The following ZZZ3 variants were observed in gnomAD, a reference collection of about 807,000 sequenced individuals.
The protein encoded by ZZZ3 is zinc finger ZZ-type containing 3.
A neutral mutation model predicts 95.2 loss-of-function variants in ZZZ3; 22 were observed. The ratio of observed to expected loss-of-function variants is 0.23; its 90% confidence interval spans 0.17 to 0.33. ZZZ3 has a LOEUF of 0.33. ZZZ3 is among the 10% of genes least tolerant of loss of function. ZZZ3 has a pLI of 1.00. For synonymous variants in ZZZ3, 335 were observed against 358.9 expected, an observed-to-expected ratio of 0.93 and a Z score of 0.75; for missense variants, 885 against 1,066.5, an observed-to-expected ratio of 0.83 and a Z score of 2.37.
chr1:77,623,559 A>G (rs1286240868), intron 5 of ZZZ3, among the ~76,000 whole-genome samples: 1 of 152,184 alleles, frequency 6.6e-6, no homozygotes, highest in Non-Finnish European at 1.5e-5. Context: ...AGAACAGGCT[A>G]CTCTGTACTT....
chr1:77,614,537 ATTAT>A (rs1666122752), intron 5 of ZZZ3, among the ~76,000 whole-genome samples: 1 of 152,182 alleles, frequency 6.6e-6, no homozygotes, highest in African/African-American at 2.4e-5. Flanking sequence ...TTTGTTTTTC[ATTAT>A]TTAAATATTT....
chr1:77,663,588 T>C (rs894951457), intron 1 of ZZZ3, among the ~76,000 whole-genome samples: 2 of 152,204 alleles, frequency 1.3e-5, no homozygotes, highest in Non-Finnish European at 2.9e-5. Context: ...ATTGTAAATG[T>C]GTCCTAACCA....
In ZZZ3 at chr1:77,602,393, A is replaced by C. The variant is rs549204936; in HGVS notation, c.1506-17738T>G. Among the ~76,000 whole-genome samples, 13 of 152,312 alleles carry C rather than the reference A, an allele frequency of 8.5e-5. No individual in the cohort carries two copies. The South Asian group carries it at 1.0e-3, about 12-fold the overall frequency. On this transcript the variant is annotated intron_variant, in intron 5 of 14. Transcript: ENST00000370801. Reference sequence around the variant, plus strand: ...CTATTCAGAGTAAACCAACAGCAGTACAGAGTGCATATTTGTTTGATTGAT... The same window carrying C: ...CTATTCAGAGTAAACCAACAGCAGTCCAGAGTGCATATTTGTTTGATTGAT...
intron 5 of ZZZ3, among the ~76,000 whole-genome samples, chr1:77,599,438 A>G (rs184913509): frequency 6.6e-6 from 1 of 152,192 alleles, no homozygotes; most frequent in African/African-American, 2.4e-5. Context: ...ACCACTTTAC[A>G]GATGACATAA....
chr1:77,657,190 C>A (rs1670346354), intron 1 of ZZZ3, among the ~76,000 whole-genome samples: 1 of 152,142 alleles, frequency 6.6e-6, no homozygotes, highest in Non-Finnish European at 1.5e-5. Context: ...CTGTGTTGGC[C>A]AGACTGGTTT....
At position 77,639,555 on chromosome 1, in the gene ZZZ3, ACT is replaced by A. The variant is rs1668585465; in HGVS notation, c.-160_-159del. The A allele has an allele frequency of 2.7e-6, 3 of 1,091,252 alleles. No homozygotes were observed. The highest frequency in any genetic ancestry group is 2.2e-5 in the South Asian group (1 of 46,490). The allele number at this position is 1,091,252 out of a possible 1,614,324, so 67.6% of individuals were successfully genotyped here. On this transcript the variant is annotated 5_prime_UTR_variant, in exon 4 of 15. The change abolishes the stop of an existing upstream ORF in the 5' untranslated region. Transcript: ENST00000370801. ...TGGAGCTTAAGCATCAGGGTTTCAG[ACT>A]CTCTCAGCTTCAGCCATGAAGAATA...
chr1:77,592,856 C>T lies in ZZZ3; in HGVS notation c.1506-8201G>A, dbSNP rs374598446. Among the ~76,000 whole-genome samples the T allele has an allele frequency of 1.4e-3, 208 of 152,206 alleles. 1 individual carries two copies. The highest frequency in any genetic ancestry group is 1.5e-3 in the Non-Finnish European group (104 of 68,012). Reference sequence around the variant, plus strand: ...TTCCCTGAAGACAACCAATATACAGCTGGAGAAAATATTTGAAAGTTCTTA... The same window carrying T: ...TTCCCTGAAGACAACCAATATACAGTTGGAGAAAATATTTGAAAGTTCTTA... On this transcript the variant is annotated intron_variant, in intron 5 of 14. Coordinates refer to ENST00000370801, the MANE Select transcript of ZZZ3 (RefSeq NM_015534.6).
rs772354211 is a variant in ZZZ3 at position 77,652,017 on chromosome 1, C to CAA, written c.-402-10364_-402-10363dup. Among the ~76,000 whole-genome samples the CAA allele has an allele frequency of 1.9e-4, 14 of 74,322 alleles. No homozygotes were observed. In the South Asian group the frequency reaches 4.8e-3, roughly 26 times the overall value. 48.8% of individuals were successfully genotyped at this position (74,322 alleles called of 152,430 possible). On this transcript the variant is annotated intron_variant, in intron 1 of 14. Transcript: ENST00000370801. ...GGCGACAAGAGCAAAACTCCATCTC[C>CAA]AAAAAAAAAAAAAAAAGGTTAAAAT...
intron 9 of ZZZ3, chr1:77,580,255 C>T (rs2100548292): frequency 6.6e-6 from 1 of 152,262 alleles, no homozygotes; most frequent in East Asian, 1.9e-4. Flanking sequence ...AAAGATGTGC[C>T]TCAAACTTCA....
chr1:77,589,600 G>C (rs1039684237), intron 5 of ZZZ3, among the ~76,000 whole-genome samples: 5 of 151,776 alleles, frequency 3.3e-5, no homozygotes, highest in African/African-American at 1.2e-4. Flanking sequence ...CATTCCCAGC[G>C]AATTTTGTTC....
chr1:77,624,546 G>A (rs1253958375), intron 5 of ZZZ3, among the ~76,000 whole-genome samples: 2 of 152,044 alleles, frequency 1.3e-5, no homozygotes. Context: ...AGCTATGAGG[G>A]TTGCTGACCC....
intron 5 of ZZZ3, among the ~76,000 whole-genome samples, chr1:77,593,892 G>A (rs1463739630): frequency 6.6e-6 from 1 of 152,014 alleles, no homozygotes; most frequent in Non-Finnish European, 1.5e-5. Context: ...TTAAACCTTG[G>A]GTCTTGCTTC....
chr1:77,592,732 CAAATA>C (rs1373416927), intron 5 of ZZZ3, among the ~76,000 whole-genome samples: 1 of 152,094 alleles, frequency 6.6e-6, no homozygotes, highest in East Asian at 1.9e-4. Context: ...TAAAAGGAAG[CAAATA>C]AAATATTTAA....
chr1:77,646,797 G>A (rs542189852), intron 1 of ZZZ3, among the ~76,000 whole-genome samples: 299 of 152,324 alleles, frequency 2.0e-3, no homozygotes, highest in Non-Finnish European at 3.2e-3. Context: ...TTTACTTACT[G>A]GAGAATTTCT....
intron 1 of ZZZ3, among the ~76,000 whole-genome samples, chr1:77,658,515 C>CTTTTTTTTTTTTTT (rs111821277): frequency 7.6e-6 from 1 of 131,784 alleles, no homozygotes; most frequent in African/African-American, 2.6e-5. Flanking sequence ...CACATCCTGG[C>CTTTTTTTTTTTTTT]TTTTTTTTTT....
chr1:77,643,080 G>T (rs1028347531), intron 1 of ZZZ3, among the ~76,000 whole-genome samples: 5 of 152,080 alleles, frequency 3.3e-5, no homozygotes, highest in Non-Finnish European at 7.4e-5. Context: ...CACATGTGGT[G>T]GTGTGCGCCT....
chr1:77,586,042 A>G (rs1663047828), intron 5 of ZZZ3, among the ~76,000 whole-genome samples: 1 of 152,210 alleles, frequency 6.6e-6, no homozygotes, highest in Non-Finnish European at 1.5e-5. Context: ...AGCTATACTA[A>G]GTCACTACTG....
At position 77,565,723 on chromosome 1, in the gene ZZZ3, T is replaced by G. The variant is rs1660755884; in HGVS notation, c.2629A>C (p.Thr877Pro). ...ACACAGTAGTCTCTGTCTAAGAATG[T>G]CTCTGACCTATAAATAGGTTCTAAT... ...HQLEPIYRSETFLDRDYCVSQ... is the reference protein window; with the variant it reads ...HQLEPIYRSEPFLDRDYCVSQ... Residue 877 changes from threonine (T) to proline (P), a missense_variant, in exon 15 of 15, where the codon ACA becomes CCA. Thr to Pro is a conservative substitution (Grantham distance 38). This residue lies in a region of ZZZ3 where 221 missense variants were observed against 247.8 expected (regional missense o/e 0.89). Transcript: ENST00000370801. 6.2e-7 allele frequency: 1 copy of G among 1,613,644 alleles called. No individual in the cohort carries two copies. Among genetic ancestry groups the G allele is most frequent in the African/African-American group, 1.3e-5 (1 of 74,906 alleles).
rs559974247 is a variant in ZZZ3, at chr1:77,681,765, G to T, written c.-403+820C>A. On this transcript the variant is annotated intron_variant, in intron 1 of 14. Transcript: ENST00000370801. ...AAATTAGCCGGGCGTGGTGAAGCGC[G>T]ACTGTAATCCCAGCTACTCGATACT... is the stretch of plus-strand genomic sequence containing the variant. Among the ~76,000 whole-genome samples, 7 of 152,114 alleles carry T rather than the reference G, an allele frequency of 4.6e-5. 1 individual carries two copies. Among genetic ancestry groups the T allele is most frequent in the Non-Finnish European group, 8.8e-5 (6 of 67,996 alleles).
Sources: gnomAD v4.1 joint callset for allele counts (sites outside exome capture counted in the v4.1 genomes callset) on GRCh38, gnomAD v4.1.1 for gene constraint, gnomAD v4.1.1 regional missense constraint, MANE v1.5 for transcripts, NCBI Gene and HGNC (gene_info 2026-07-23, HGNC 2026-07-21) for gene names.